The following RELL1 variants were observed in gnomAD, a reference collection of about 807,000 sequenced individuals.
RELL1 encodes the protein RELT like 1.
RELL1 carries 10 observed loss-of-function variants against 23.0 expected under a neutral mutation model. The ratio of observed to expected loss-of-function variants is 0.43; its 90% CI spans 0.27 to 0.74. The LOEUF is 0.74. RELL1 is among the 30% of genes least tolerant of loss of function. The pLI is 0.19. For missense variants in RELL1, 315 were observed against 364.4 expected, an observed-to-expected ratio of 0.86 and a Z score of 1.10; for synonymous variants, 146 against 146.8, an observed-to-expected ratio of 0.99 and a Z score of 0.04.
chr4:37,604,418 A>G (rs1193503544), intron 6 of RELL1, among the ~76,000 whole-genome samples: 2 of 152,104 alleles, frequency 1.3e-5, no homozygotes, highest in Non-Finnish European at 2.9e-5. Context: ...TCTGGTTCTC[A>G]TGTTGTGACT....
intron 1 of RELL1, among the ~76,000 whole-genome samples, chr4:37,655,376 T>A (rs1036511564): frequency 6.6e-6 from 1 of 152,160 alleles, no homozygotes; most frequent in African/African-American, 2.4e-5. Flanking sequence ...GATCTTTACA[T>A]AGGTCATCTA....
intron 5 of RELL1, among the ~76,000 whole-genome samples, chr4:37,631,759 C>G (rs1393116468): frequency 6.6e-6 from 1 of 152,094 alleles, no homozygotes; most frequent in African/African-American, 2.4e-5. Flanking sequence ...GGATATTTTA[C>G]AGAGCATGCA....
At chr4:37,589,060 G>C (rs1183611404), downstream of RELL1, among the ~76,000 whole-genome samples, 1 of 152,194 alleles carries the variant, frequency 6.6e-6, no homozygotes. Context: ...TCATTTAAAA[G>C]AACATGTGCC....
At chr4:37,590,921 A>T (rs1043415626) in exon 7 of RELL1, 4 of 1,614,232 alleles carry the variant, frequency 2.5e-6, no homozygotes, top group Non-Finnish European at 3.4e-6. Context: ...GAGATTGTGG[A>T]CGAGGATGCA....
chr4:37,686,347 G>C lies in RELL1; in HGVS notation c.-60C>G, dbSNP rs2109324143. The C allele has an allele frequency of 7.5e-7, 1 of 1,327,016 alleles. No homozygotes were observed. The highest frequency in any genetic ancestry group is 9.9e-7 in the Non-Finnish European group (1 of 1,009,920). The allele number at this position is 1,327,016 out of a possible 1,614,324, so 82.2% of individuals were successfully genotyped here. ...CGCGTCCCGCGCTCGGGAAGGCAGA[G>C]CCGCTCCGGAGCCGGCGGGCTGATC... On this transcript the variant is annotated 5_prime_UTR_variant, in exon 1 of 7. Coordinates refer to ENST00000454158, the MANE Select transcript of RELL1 (RefSeq NM_001085400.2).
chr4:37,618,356 A>C (rs1168947263), intron 6 of RELL1, among the ~76,000 whole-genome samples: 1 of 151,958 alleles, frequency 6.6e-6, no homozygotes, highest in Non-Finnish European at 1.5e-5. Flanking sequence ...TGTAGCTGGG[A>C]CTACAGGTGC....
intron 3 of RELL1, among the ~76,000 whole-genome samples, chr4:37,646,776 G>A (rs1219570672): frequency 6.6e-6 from 1 of 152,022 alleles, no homozygotes; most frequent in African/African-American, 2.4e-5. Context: ...TACCCATGCT[G>A]GAGTGCAGTG....
At position 37,635,093 on chromosome 4, in the gene RELL1, C is replaced by T. The variant is rs758369621; in HGVS notation, c.474G>A (p.Pro158=). ...GTGACAAAGGCCCAGGACTCACTGGCGGGCTCCCTGGTGTGCTGGGGGTCA... is the reference window on the plus strand; with the variant it reads ...GTGACAAAGGCCCAGGACTCACTGGTGGGCTCCCTGGTGTGCTGGGGGTCA... ...SPVTPSTPGS[P]PVSPGPLSPG... is the part of the protein sequence containing the mutation. Residue 158 remains proline (P), a synonymous_variant, in exon 5 of 7, where the codon CCG becomes CCA. Coordinates refer to ENST00000454158, the MANE Select transcript of RELL1 (RefSeq NM_001085400.2). 5.0e-6 allele frequency: 8 copies of T among 1,614,088 alleles called. No individual in the cohort carries two copies. The highest frequency in any genetic ancestry group is 3.3e-5 in the South Asian group (3 of 91,084).
intron 6 of RELL1, among the ~76,000 whole-genome samples, chr4:37,626,922 G>A (rs1719973352): frequency 6.6e-6 from 1 of 152,114 alleles, no homozygotes; most frequent in South Asian, 2.1e-4. Flanking sequence ...TTTAGTTAGA[G>A]GGGATAAATA....
intron 6 of RELL1, among the ~76,000 whole-genome samples, chr4:37,617,973 A>T (rs914178834): frequency 1.3e-5 from 2 of 152,224 alleles, no homozygotes; most frequent in Non-Finnish European, 2.9e-5. Context: ...AGATGCCAAG[A>T]TGCCACCTAA....
intron 3 of RELL1, among the ~76,000 whole-genome samples, chr4:37,645,741 T>C (rs1011708880): frequency 6.6e-6 from 1 of 152,236 alleles, no homozygotes; most frequent in African/African-American, 2.4e-5. Flanking sequence ...ACTAACTTTA[T>C]AGGGATGTTT....
intron 1 of RELL1, among the ~76,000 whole-genome samples, chr4:37,677,281 G>A (rs1330939039): frequency 3.3e-5 from 5 of 152,216 alleles, no homozygotes; most frequent in Non-Finnish European, 5.9e-5. Flanking sequence ...AACAGAATGG[G>A]AAGAGTCCCA....
At position 37,625,040 on chromosome 4, in the gene RELL1, T is replaced by G. The variant is rs995363312; in HGVS notation, c.*3+6345A>C. Among the ~76,000 whole-genome samples, 7 of 152,170 alleles carry G rather than the reference T, an allele frequency of 4.6e-5. No homozygotes were observed. The East Asian group carries it at 1.3e-3, about 29-fold the overall frequency. ...TCCAGCAACGATCTCATTTTAAAGATGAAATAACCGGGGCTTGAAAACATT... is the reference window on the plus strand; with the variant it reads ...TCCAGCAACGATCTCATTTTAAAGAGGAAATAACCGGGGCTTGAAAACATT... On this transcript the variant is annotated intron_variant, in intron 6 of 6. Coordinates refer to ENST00000454158, the MANE Select transcript of RELL1 (RefSeq NM_001085400.2).
chr4:37,674,988 G>A (rs935185774), intron 1 of RELL1, among the ~76,000 whole-genome samples: 3 of 152,200 alleles, frequency 2.0e-5, no homozygotes, highest in Non-Finnish European at 2.9e-5. Flanking sequence ...ATTGTCTAAT[G>A]TGTGTCTTTT....
chr4:37,612,636 C>CAAAAAAAAAAAAAAAAAAAAAA lies in RELL1; in HGVS notation c.*709_*710insTTTTTTTTTTTTTTTTTTTTTT, dbSNP rs978165271. Among the ~76,000 whole-genome samples the CAAAAAAAAAAAAAAAAAAAAAA allele has an allele frequency of 3.3e-5, 2 of 60,142 alleles. No homozygotes were observed. Among genetic ancestry groups the CAAAAAAAAAAAAAAAAAAAAAA allele is most frequent in the African/African-American group, 1.1e-4 (2 of 17,960 alleles). 39.5% of individuals were successfully genotyped at this position (60,142 alleles called of 152,430 possible). On this transcript the variant is annotated 3_prime_UTR_variant, in exon 7 of 7. Coordinates refer to ENST00000454158, the MANE Select transcript of RELL1 (RefSeq NM_001085400.2). ...TAGGGGACACAGCGAGACTCTGCCT[C>CAAAAAAAAAAAAAAAAAAAAAA]AAAAAAAAAAAAAAAAAAACCTTCT... is the stretch of plus-strand genomic sequence containing the variant.
Position 37,642,603 on chromosome 4 carries a change from AGT to A in RELL1, c.386-4101_386-4100del, listed in dbSNP as rs537652965. ...AAAGGCCTTGGAATTTCCTGATAGG[AGT>A]GTCTTTTGTTATTCATAATGAGCAC... is the stretch of plus-strand genomic sequence containing the variant. On this transcript the variant is annotated intron_variant, in intron 3 of 6. Coordinates refer to ENST00000454158, the MANE Select transcript of RELL1 (RefSeq NM_001085400.2). Among the ~76,000 whole-genome samples the A allele has an allele frequency of 3.9e-5, 6 of 152,204 alleles. No homozygotes were observed. The East Asian group carries it at 1.2e-3, about 29-fold the overall frequency.
rs1719381930 is a variant in RELL1 at position 37,611,666 on chromosome 4, A to G, written c.*1680T>C. 6.6e-6 allele frequency among the ~76,000 whole-genome samples: 1 copy of G among 152,188 alleles called. No individual in the cohort carries two copies. The highest frequency in any genetic ancestry group is 1.9e-4 in the East Asian group (1 of 5,174). On this transcript the variant is annotated 3_prime_UTR_variant, in exon 7 of 7. Coordinates refer to ENST00000454158, the MANE Select transcript of RELL1 (RefSeq NM_001085400.2). ...CCCCACAGCTCACCCCAGAGCTACCATAAATCATGTAATACTATTTATGCC... is the reference window on the plus strand; with the variant it reads ...CCCCACAGCTCACCCCAGAGCTACCGTAAATCATGTAATACTATTTATGCC...
chr4:37,633,386 G>A (rs1329176597), intron 5 of RELL1, among the ~76,000 whole-genome samples: 1 of 115,036 alleles, frequency 8.7e-6, no homozygotes, highest in Non-Finnish European at 1.6e-5. Context: ...TCCAGCTTGG[G>A]TGACAGAGTG....
chr4:37,681,820 C>A (rs889352475), intron 1 of RELL1, among the ~76,000 whole-genome samples: 3 of 151,886 alleles, frequency 2.0e-5, no homozygotes, highest in African/African-American at 7.3e-5. Context: ...AGCCACTGCA[C>A]CCGGCTTCCT....
Sources: gnomAD v4.1 joint callset for allele counts (sites outside exome capture counted in the v4.1 genomes callset) on GRCh38, gnomAD v4.1.1 for gene constraint, MANE v1.5 for transcripts, NCBI Gene and HGNC (gene_info 2026-07-23, HGNC 2026-07-21) for gene names.